Variants in INSYN2A observed in about 807,000 individuals in gnomAD.
INSYN2A encodes the protein family with sequence similarity 196 member A.
Under a neutral mutation model 39.4 loss-of-function variants are expected in INSYN2A, and 17 were observed. The ratio of observed to expected loss-of-function variants is 0.43; its 90% CI spans 0.30 to 0.65. INSYN2A has a LOEUF of 0.65. Among genes scored for constraint, INSYN2A ranks in the 30% least tolerant of loss-of-function variants. The pLI, the probability that INSYN2A is intolerant of heterozygous loss-of-function variation, is 0.14. For synonymous variants in INSYN2A, 255 were observed against 265.7 expected, an observed-to-expected ratio of 0.96 and a Z score of 0.39; for missense variants, 595 against 631.2, an observed-to-expected ratio of 0.94 and a Z score of 0.61.
chr10:127,147,024 G>T (rs75817864), intron 5 of INSYN2A, among the ~76,000 whole-genome samples: 1 of 152,134 alleles, frequency 6.6e-6, no homozygotes, highest in African/African-American at 2.4e-5. Flanking sequence ...CTGTTTTGTG[G>T]TCTTATTGGT....
rs539838737 is a variant in INSYN2A at position 127,148,293 on chromosome 10, C to A, written c.1256+5559G>T. On this transcript the variant is annotated intron_variant, in intron 5 of 5. Coordinates refer to ENST00000522781, the MANE Select transcript of INSYN2A (RefSeq NM_001039762.3). ...TGATCCAGAAATGAAGCAGACACAG[C>A]GTGCTCCGGGAGGATGTGGTCACTC... 3.9e-5 allele frequency among the ~76,000 whole-genome samples: 6 copies of A among 152,274 alleles called. No individual in the cohort carries two copies. The East Asian group carries it at 1.2e-3, about 29-fold the overall frequency.
intron 2 of INSYN2A, among the ~76,000 whole-genome samples, chr10:127,188,091 A>C (rs574106299): frequency 6.6e-6 from 1 of 152,296 alleles, no homozygotes; most frequent in East Asian, 1.9e-4. Context: ...AGGGAGGTTG[A>C]GCCCCTTCCA....
At chr10:127,151,872 C>G (rs1466844554) in intron 5 of INSYN2A, among the ~76,000 whole-genome samples, 2 of 152,134 alleles carry the variant, frequency 1.3e-5, no homozygotes, top group Admixed American at 6.5e-5. Flanking sequence ...AGTGACCACT[C>G]GAGTCATTCC....
chr10:127,147,255 A>T (rs2051962303), intron 5 of INSYN2A, among the ~76,000 whole-genome samples: 1 of 152,112 alleles, frequency 6.6e-6, no homozygotes. Flanking sequence ...GGGAGTGTTC[A>T]CGGGTCGCGA....
intron 5 of INSYN2A, among the ~76,000 whole-genome samples, chr10:127,150,322 A>T (rs532306959): frequency 1.3e-5 from 2 of 152,176 alleles, no homozygotes; most frequent in East Asian, 3.9e-4. Flanking sequence ...ATCCAGCTCA[A>T]TCCCCATTGC....
intron 4 of INSYN2A, among the ~76,000 whole-genome samples, chr10:127,161,222 A>T (rs1395267541): frequency 6.6e-6 from 1 of 152,236 alleles, no homozygotes; most frequent in Non-Finnish European, 1.5e-5. Context: ...ACGCAAGTAC[A>T]TTGTCTTAGC....
At chr10:127,178,652 C>G (rs1340254860) in intron 2 of INSYN2A, among the ~76,000 whole-genome samples, 2 of 152,140 alleles carry the variant, frequency 1.3e-5, no homozygotes, top group Non-Finnish European at 2.9e-5. Flanking sequence ...TGGTGCTTTA[C>G]TAGGTGCTGG....
rs772004736 is a variant in INSYN2A, at chr10:127,176,355, G to A, written c.41C>T (p.Ser14Leu). 1.5e-5 allele frequency: 24 copies of A among 1,613,236 alleles called. 1 individual carries two copies. The highest frequency in any genetic ancestry group is 1.4e-4 in the South Asian group (13 of 91,000). The change falls in exon 4 of 6, where the codon TCG becomes TTG. Residue 14 changes from serine to leucine, a missense_variant. Ser to Leu is a moderately radical substitution (Grantham distance 145). Coordinates refer to ENST00000522781, the MANE Select transcript of INSYN2A (RefSeq NM_001039762.3). The surrounding 1 kb of genome is among the most constrained non-coding windows in gnomAD (Gnocchi z 4.4). Reference sequence around the variant, plus strand: ...GGCGGCGGGTTCCACTTCACTCTCCGACGTTGTGAGTATGCATTTGCCGGT... The same window carrying A: ...GGCGGCGGGTTCCACTTCACTCTCCAACGTTGTGAGTATGCATTTGCCGGT... ...KDTGKCILTTSESEVEPAACL... is the reference protein window; with the variant it reads ...KDTGKCILTTLESEVEPAACL...
At chr10:127,177,512 GAGA>G (rs1461262053) in intron 2 of INSYN2A, among the ~76,000 whole-genome samples, 1 of 152,228 alleles carries the variant, frequency 6.6e-6, no homozygotes, top group African/African-American at 2.4e-5. Flanking sequence ...CCTTGTGTTT[GAGA>G]AGAAAACAGT....
In INSYN2A at chr10:127,148,078, A is replaced by G. The variant is rs139305314; in HGVS notation, c.1256+5774T>C. 7.2e-4 allele frequency among the ~76,000 whole-genome samples: 108 copies of G among 150,930 alleles called. 2 individuals are homozygous for G. The East Asian group carries it at 0.02, about 27-fold the overall frequency. Reference sequence around the variant, plus strand: ...AAAAAAATTCCACCTGTCCTTGACCATCATGGATCATATCAAACAGTGAAA... The same window carrying G: ...AAAAAAATTCCACCTGTCCTTGACCGTCATGGATCATATCAAACAGTGAAA... On this transcript the variant is annotated intron_variant, in intron 5 of 5. Coordinates refer to ENST00000522781, the MANE Select transcript of INSYN2A (RefSeq NM_001039762.3).
In INSYN2A at chr10:127,176,067, T is replaced by G; in HGVS notation, c.329A>C (p.Asp110Ala). The change falls in exon 4 of 6, where the codon GAC (aspartate) becomes GCC (alanine). Residue 110 changes from aspartate to alanine, a missense_variant. Asp to Ala is a moderately radical substitution (Grantham distance 126). Around this residue, in one of 2 missense-constraint regions of INSYN2A, gnomAD observed 478 missense variants for 467.4 expected, o/e 1.02. Coordinates refer to ENST00000522781, the MANE Select transcript of INSYN2A (RefSeq NM_001039762.3). The surrounding 1 kb of genome is among the most constrained non-coding windows in gnomAD (Gnocchi z 4.4). ...GAACGTCTGGTAACACTTCTTAAGG[T>G]CGGGCGAGGTCTGCACGCCTGTGCT... ...TKSTGVQTSPDLKKCYQTFPL... is the reference protein window; with the variant it reads ...TKSTGVQTSPALKKCYQTFPL... 6.2e-7 allele frequency: 1 copy of G among 1,614,068 alleles called. No homozygotes were observed. Among genetic ancestry groups the G allele is most frequent in the Non-Finnish European group, 8.5e-7 (1 of 1,180,032 alleles).
chr10:127,183,384 G>A lies in INSYN2A; in HGVS notation c.-268-6245C>T, dbSNP rs188250948. Among the ~76,000 whole-genome samples the A allele has an allele frequency of 1.4e-3, 214 of 152,254 alleles. 1 individual carries two copies. The highest frequency in any genetic ancestry group is 9.3e-4 in the Non-Finnish European group (63 of 68,014). On this transcript the variant is annotated intron_variant, in intron 2 of 5. Coordinates refer to ENST00000522781, the MANE Select transcript of INSYN2A (RefSeq NM_001039762.3). The stretch of plus-strand genomic sequence containing the variant: ...AATGGATCCCTCTTGTATTTTCATC[G>A]TAGTATGAAAATGCCACAATGTTTC...
chr10:127,180,513 C>T (rs2055623968), intron 2 of INSYN2A, among the ~76,000 whole-genome samples: 1 of 152,102 alleles, frequency 6.6e-6, no homozygotes, highest in South Asian at 2.1e-4. Flanking sequence ...AGCTAGATGT[C>T]GAGGAGCTGT....
chr10:127,170,752 T>C (rs1454123845), intron 4 of INSYN2A, among the ~76,000 whole-genome samples: 1 of 152,208 alleles, frequency 6.6e-6, no homozygotes, highest in East Asian at 1.9e-4. Flanking sequence ...ATTTGCCTTG[T>C]TCTTAGCCTT....
chr10:127,159,045 G>C (rs2133622080), intron 4 of INSYN2A, among the ~76,000 whole-genome samples: 1 of 152,166 alleles, frequency 6.6e-6, no homozygotes, highest in South Asian at 2.1e-4. Flanking sequence ...TTGCCTGTTA[G>C]AGGAGCCTGG....
intron 5 of INSYN2A, among the ~76,000 whole-genome samples, chr10:127,141,031 A>C (rs2051191108): frequency 6.6e-6 from 1 of 152,060 alleles, no homozygotes; most frequent in African/African-American, 2.4e-5. Flanking sequence ...ACCTGGGGCC[A>C]CATCTTTGTC....
At position 127,183,071 on chromosome 10, in the gene INSYN2A, C is replaced by CTTTTTTTTTTTTTTT. The variant is rs3066813; in HGVS notation, c.-268-5947_-268-5933dup. Among the ~76,000 whole-genome samples, 2 of 88,634 alleles carry CTTTTTTTTTTTTTTT rather than the reference C, an allele frequency of 2.3e-5. 1 individual carries two copies. The highest frequency in any genetic ancestry group is 4.3e-5 in the Non-Finnish European group (2 of 46,792). The allele number at this position is 88,634 out of a possible 152,430, so 58.1% of individuals were successfully genotyped here. A position where few individuals can be genotyped will look rare whatever the true frequency, so the allele number is the denominator to read the frequency against. On this transcript the variant is annotated intron_variant, in intron 2 of 5. Transcript: ENST00000522781. The stretch of plus-strand genomic sequence containing the variant: ...CTTTGCCTTCCTGATTATGGTGAAT[C>CTTTTTTTTTTTTTTT]TTTTTTTTTTTTTTTTTTTTTTTTT...
rs11016702 is a variant in INSYN2A, at chr10:127,190,681, C to A, written c.-269+1924G>T. 8.1e-3 allele frequency among the ~76,000 whole-genome samples: 534 copies of A among 65,760 alleles called. 66 individuals carry two copies. Among genetic ancestry groups the A allele is most frequent in the African/African-American group, 0.025 (484 of 19,026 alleles). The allele number at this position is 65,760 out of a possible 152,430, so 43.1% of individuals were successfully genotyped here. ...ATCCTATCTTCCCCCCCCCCCCCCC[C>A]CCGTTCCTGCTGGCTCCCAGATTTC... On this transcript the variant is annotated intron_variant, in intron 2 of 5. Transcript: ENST00000522781.
At chr10:127,192,783 A>C (rs1045912118) in intron 1 of INSYN2A, 53 bp from the exon 2 acceptor site, 1 of 152,234 alleles carries the variant, frequency 6.6e-6, no homozygotes, top group Non-Finnish European at 1.5e-5. Flanking sequence ...CTATCCTTTC[A>C]TGGCTTAGTG....
Sources: allele counts gnomAD v4.1 joint callset (sites outside exome capture counted in the v4.1 genomes callset), GRCh38; gene constraint gnomAD v4.1.1; regional missense constraint gnomAD v4.1.1; non-coding constraint Gnocchi (gnomAD v3.1); transcripts MANE v1.5; gene names NCBI Gene and HGNC (gene_info 2026-07-23, HGNC 2026-07-21).